Variants in NID2 observed in about 807,000 individuals in gnomAD.
The protein encoded by NID2 is nidogen 2.
In NID2, 83 loss-of-function variants were observed where a neutral mutation model predicts 145.4. That is an observed-to-expected ratio of 0.57 (90% confidence interval 0.48 to 0.69). NID2 has a LOEUF of 0.69. NID2 is among the 30% of genes least tolerant of loss of function. The pLI, the probability that NID2 is intolerant of heterozygous loss-of-function variation, is 0.00. For synonymous variants in NID2, 739 were observed against 701.3 expected, an observed-to-expected ratio of 1.05 and a Z score of -0.85; for missense variants, 1,807 against 1,765.7, an observed-to-expected ratio of 1.02 and a Z score of -0.42.
Position 52,060,169 on chromosome 14 carries a change from T to C in NID2, c.722A>G (p.Tyr241Cys). Residue 241 changes from tyrosine (Y) to cysteine (C), a missense_variant, in exon 3 of 22, where the codon TAT (tyrosine) becomes TGT (cysteine). Physicochemically the swap from Tyr to Cys is radical, Grantham distance 194. Transcript: ENST00000216286. ...CTGTTCAGTGCTAGTCAAGCTGAAA[T>C]ATGGTCCTTCTGACTTCAGATCATC... ...EADDLKSEGP[Y>C]FSLTSTEQSV... 1.2e-6 allele frequency: 2 copies of C among 1,613,992 alleles called. No homozygotes were observed. The highest frequency in any genetic ancestry group is 1.1e-5 in the South Asian group (1 of 91,052).
intron 2 of NID2, among the ~76,000 whole-genome samples, chr14:52,063,274 G>C (rs1274589527): frequency 6.6e-6 from 1 of 152,178 alleles, no homozygotes. Flanking sequence ...CCTGACAAAC[G>C]AGTCACTGGT....
chr14:52,065,291 T>C (rs1485069011), intron 2 of NID2, among the ~76,000 whole-genome samples: 1 of 152,108 alleles, frequency 6.6e-6, no homozygotes, highest in South Asian at 2.1e-4. Flanking sequence ...AAGAACGCCA[T>C]GTAGAACTCA....
chr14:52,012,193 C>T (rs914423406), intron 16 of NID2, among the ~76,000 whole-genome samples: 5 of 152,152 alleles, frequency 3.3e-5, no homozygotes, highest in African/African-American at 1.2e-4. Context: ...CCACTATATG[C>T]CAACAAAATC....
chr14:52,054,965 T>C (rs1892799579), intron 3 of NID2, among the ~76,000 whole-genome samples: 1 of 152,204 alleles, frequency 6.6e-6, no homozygotes, highest in Admixed American at 6.5e-5. Context: ...TGTAGGAATG[T>C]TTCATCCTTC....
intron 2 of NID2, among the ~76,000 whole-genome samples, chr14:52,062,024 C>A (rs1893033843): frequency 6.6e-6 from 1 of 152,206 alleles, no homozygotes; most frequent in Non-Finnish European, 1.5e-5. Context: ...AGAAGAACAT[C>A]ACATTTCACT....
At position 52,068,230 on chromosome 14, in the gene NID2, G is replaced by A. The variant is rs1056724481; in HGVS notation, c.229-67C>T. On this transcript the variant is annotated intron_variant, in intron 1 of 21. Coordinates refer to ENST00000216286, the MANE Select transcript of NID2 (RefSeq NM_007361.4). The stretch of plus-strand genomic sequence containing the variant: ...CCAAGGACGCTACCCTTTCGCGCAG[G>A]GAGGGAAGGGAACTGACTTAGGCAA... 3.1e-5 allele frequency: 45 copies of A among 1,460,952 alleles called. No individual in the cohort carries two copies. The African/African-American group carries it at 5.1e-4, about 17-fold the overall frequency. 90.5% of individuals were successfully genotyped at this position (1,460,952 alleles called of 1,614,324 possible). A position where few individuals can be genotyped will look rare whatever the true frequency, so the allele number is the denominator to read the frequency against.
At position 52,060,342 on chromosome 14, in the gene NID2, C is replaced by A; in HGVS notation, c.549G>T (p.Gln183His). The A allele has an allele frequency of 6.6e-7, 1 of 1,518,686 alleles. No homozygotes were observed. The highest frequency in any genetic ancestry group is 8.9e-7 in the Non-Finnish European group (1 of 1,122,044). The allele number at this position is 1,518,686 out of a possible 1,614,324, so 94.1% of individuals were successfully genotyped here. The change falls in exon 3 of 22, where the codon CAG becomes CAT. Residue 183 changes from glutamine (Q) to histidine (H), a missense_variant. Transcript: ENST00000216286. ...CAGACCCATCAGATGCCAAAACTGC[C>A]TGGAAAGTGTTCAGCTGTGAGGAAA... The part of the protein sequence containing the change: ...ALPSGELNTF[Q>H]AVLASDGSDS...
chr14:52,039,023 G>A, intron 8 of NID2, 46 bp from the exon 9 acceptor site: 1 of 1,344,958 alleles, frequency 7.4e-7, no homozygotes, highest in Non-Finnish European at 1.0e-6. Context: ...TAAATACAGA[G>A]ATTTTCATGT....
At chr14:52,031,912 T>C (rs1277269505) in intron 9 of NID2, among the ~76,000 whole-genome samples, 1 of 152,228 alleles carries the variant, frequency 6.6e-6, no homozygotes, top group East Asian at 1.9e-4. Context: ...TCAAGTTAAC[T>C]TGGCAACCAC....
chr14:52,056,779 G>A (rs777895659), intron 3 of NID2, among the ~76,000 whole-genome samples: 11 of 152,204 alleles, frequency 7.2e-5, no homozygotes, highest in Admixed American at 5.2e-4. Context: ...ATGACAGAAC[G>A]AGACTCCATC....
At chr14:52,066,910 A>G (rs1273549696) in intron 2 of NID2, among the ~76,000 whole-genome samples, 1 of 152,176 alleles carries the variant, frequency 6.6e-6, no homozygotes, top group Admixed American at 6.5e-5. Context: ...TGTTGATGAC[A>G]AGACTAAAGA....
At position 52,046,322 on chromosome 14, in the gene NID2, CAAAA is replaced by C. The variant is rs1555365268; in HGVS notation, c.1430-3395_1430-3392del. 2.5e-3 allele frequency among the ~76,000 whole-genome samples: 81 copies of C among 31,986 alleles called. 2 individuals are homozygous for C. Among genetic ancestry groups the C allele is most frequent in the Admixed American group, 3.9e-3 (10 of 2,586 alleles). The allele number at this position is 31,986 out of a possible 152,430, so 21.0% of individuals were successfully genotyped here. A position where few individuals can be genotyped will look rare whatever the true frequency, so the allele number is the denominator to read the frequency against. On this transcript the variant is annotated intron_variant, in intron 5 of 21. Transcript: ENST00000216286. ...TGGGCGACAGAGAGAGACTCCATCT[CAAAA>C]AAAAAAAAAAAAAAAAGCCGTTTTC...
At chr14:52,020,581 T>C (rs1891368694) in intron 12 of NID2, among the ~76,000 whole-genome samples, 1 of 152,180 alleles carries the variant, frequency 6.6e-6, no homozygotes, top group Non-Finnish European at 1.5e-5. Flanking sequence ...CAACAATGGT[T>C]TTTTTTTCTT....
intron 8 of NID2, 119 bp downstream of exon 8, chr14:52,040,532 C>T (rs1449381928): frequency 2.4e-6 from 2 of 817,272 alleles, no homozygotes; most frequent in Non-Finnish European, 4.1e-6. Flanking sequence ...TAATAGAGCT[C>T]ATTTTATGTT....
intron 5 of NID2, among the ~76,000 whole-genome samples, chr14:52,050,824 G>C (rs992477333): frequency 2.0e-5 from 3 of 152,096 alleles, no homozygotes; most frequent in Non-Finnish European, 4.4e-5. Context: ...GCCCAGGCTG[G>C]TCTCGAACTC....
At chr14:52,059,208 T>C (rs1379665132) in intron 3 of NID2, among the ~76,000 whole-genome samples, 1 of 152,146 alleles carries the variant, frequency 6.6e-6, no homozygotes, top group Non-Finnish European at 1.5e-5. Flanking sequence ...GCTTGGCAAG[T>C]AGTAAGTTTT....
chr14:52,032,205 TATTCCCGTATTATTG>T (rs1317815654), intron 9 of NID2, among the ~76,000 whole-genome samples: 4 of 152,364 alleles, frequency 2.6e-5, no homozygotes, highest in South Asian at 2.1e-4. Context: ...TGTAGTGGAA[TATTCCCGTATTATTG>T]ATTCCCGTAT....
Position 52,029,960 on chromosome 14 carries a change from A to T in NID2, c.2258-270T>A, listed in dbSNP as rs1368285849. Among the ~76,000 whole-genome samples, 2 of 152,134 alleles carry T rather than the reference A, an allele frequency of 1.3e-5. 1 individual carries two copies. Among genetic ancestry groups the T allele is most frequent in the South Asian group, 4.1e-4 (2 of 4,828 alleles). ...TCCAGGGAATAAAAACGCCCAAAAC[A>T]TCTGTTTAAAAGTGCTTTTGCTCTA... On this transcript the variant is annotated intron_variant, in intron 9 of 21. Transcript: ENST00000216286.
chr14:52,020,435 TCA>T (rs1436562700), intron 12 of NID2, among the ~76,000 whole-genome samples: 1 of 152,134 alleles, frequency 6.6e-6, no homozygotes, highest in African/African-American at 2.4e-5. Flanking sequence ...GGGTAGTCGC[TCA>T]CAGAAAAAAA....
Sources: allele counts gnomAD v4.1 joint callset (sites outside exome capture counted in the v4.1 genomes callset), GRCh38; gene constraint gnomAD v4.1.1; transcripts MANE v1.5; gene names NCBI Gene and HGNC (gene_info 2026-07-23, HGNC 2026-07-21).